The following CCSER1 variants were observed in gnomAD, a reference collection of about 807,000 sequenced individuals.
The protein encoded by CCSER1 is coiled-coil serine rich protein 1, also known as serine-rich coiled-coil domain-containing protein 1.
A neutral mutation model predicts 82.0 loss-of-function variants in CCSER1; 41 were observed. That is an observed-to-expected ratio of 0.50 (90% CI 0.39 to 0.65). The LOEUF is 0.65. Ranked by LOEUF, CCSER1 falls within the 30% of genes least tolerant of loss-of-function variation. The pLI, the probability that CCSER1 is intolerant of heterozygous loss-of-function variation, is 0.00. For missense variants in CCSER1, 1,119 were observed against 1,064.2 expected (o/e 1.05, Z -0.72); for synonymous variants, 414 against 383.9 (o/e 1.08, Z -0.92).
At chr4:90,989,964 C>A (rs1736887247) in intron 9 of CCSER1, among the ~76,000 whole-genome samples, 1 of 151,888 alleles carries the variant, frequency 6.6e-6, no homozygotes, top group South Asian at 2.1e-4. Flanking sequence ...TTCTTCTGGG[C>A]TCTTAGTGAC....
At chr4:91,317,159 T>C (rs1261820660) in intron 10 of CCSER1, among the ~76,000 whole-genome samples, 1 of 151,980 alleles carries the variant, frequency 6.6e-6, no homozygotes, top group Non-Finnish European at 1.5e-5. Context: ...TAAATACATA[T>C]AATTATTATT....
chr4:90,364,720 A>G (rs1745965525), intron 3 of CCSER1, among the ~76,000 whole-genome samples: 1 of 151,990 alleles, frequency 6.6e-6, no homozygotes, highest in Non-Finnish European at 1.5e-5. Flanking sequence ...GCTGTAAAGA[A>G]GACAGTTAGT....
chr4:90,599,768 T>C (rs1348863595), intron 5 of CCSER1, among the ~76,000 whole-genome samples: 1 of 152,198 alleles, frequency 6.6e-6, no homozygotes, highest in African/African-American at 2.4e-5. Context: ...TTCATTAGTT[T>C]GGTTCCTGAT....
At chr4:91,343,344 CTT>C (rs1747844944) in intron 10 of CCSER1, among the ~76,000 whole-genome samples, 1 of 152,068 alleles carries the variant, frequency 6.6e-6, no homozygotes. Flanking sequence ...TGCTTGACAG[CTT>C]TTTCTGCTTT....
intron 10 of CCSER1, among the ~76,000 whole-genome samples, chr4:91,487,156 A>G (rs1265373566): frequency 6.6e-6 from 1 of 152,122 alleles, no homozygotes; most frequent in East Asian, 1.9e-4. Flanking sequence ...AGTCATAGAA[A>G]AAGTAGGATT....
intron 10 of CCSER1, among the ~76,000 whole-genome samples, chr4:91,269,395 G>A (rs1178438638): frequency 6.6e-6 from 1 of 151,752 alleles, no homozygotes; most frequent in African/African-American, 2.4e-5. Context: ...TTCCTGAACT[G>A]TTAACCCAGG....
intron 10 of CCSER1, among the ~76,000 whole-genome samples, chr4:91,108,383 G>T (rs1255536732): frequency 1.3e-5 from 2 of 152,140 alleles, no homozygotes; most frequent in East Asian, 3.9e-4. Context: ...AAATGGTTGA[G>T]AGAAAATATA....
intron 10 of CCSER1, among the ~76,000 whole-genome samples, chr4:91,278,584 G>A (rs959433493): frequency 6.6e-6 from 1 of 152,028 alleles, no homozygotes; most frequent in Admixed American, 6.6e-5. Context: ...GTTTCTTACA[G>A]GCATTGTATA....
intron 9 of CCSER1, among the ~76,000 whole-genome samples, chr4:91,077,645 G>A (rs946504991): frequency 6.6e-6 from 1 of 152,184 alleles, no homozygotes; most frequent in Admixed American, 6.5e-5. Flanking sequence ...GCAGGGTGGG[G>A]CATCACCTCA....
In CCSER1 at chr4:90,309,137, G is replaced by A. The variant is rs1219758849; in HGVS notation, c.853G>A (p.Asp285Asn). 1.9e-6 allele frequency: 3 copies of A among 1,613,894 alleles called. No individual in the cohort carries two copies. Among genetic ancestry groups the A allele is most frequent in the South Asian group, 1.1e-5 (1 of 91,074 alleles). Residue 285 changes from aspartate (D) to asparagine (N), a missense_variant, in exon 2 of 11, where the codon GAC (aspartate) becomes AAC (asparagine). Coordinates refer to ENST00000509176, the MANE Select transcript of CCSER1 (RefSeq NM_001145065.2). ...AAGTGGAAGCATGGCATCCCACTGT[G>A]ACAACTTTGGCCACAATGATTCTAC... ...SKSGSMASHCDNFGHNDSTSQ... is the reference protein window; with the variant it reads ...SKSGSMASHCNNFGHNDSTSQ...
intron 5 of CCSER1, among the ~76,000 whole-genome samples, chr4:90,601,658 C>G (rs1270727051): frequency 6.8e-6 from 1 of 147,812 alleles, no homozygotes; most frequent in African/African-American, 2.5e-5. Flanking sequence ...TTTTTTGAGA[C>G]CTTATTTTTT....
At chr4:91,345,546 A>AG (rs113750916) in intron 10 of CCSER1, among the ~76,000 whole-genome samples, 13,168 of 152,144 alleles carry the variant, frequency 0.087, 1,905 homozygotes, top group African/African-American at 0.3. Flanking sequence ...GTGTAGTTAT[A>AG]ATTTATTTCT....
At chr4:90,874,278 G>A (rs1429256799) in intron 8 of CCSER1, among the ~76,000 whole-genome samples, 9 of 151,968 alleles carry the variant, frequency 5.9e-5, no homozygotes, top group Non-Finnish European at 1.0e-4. Flanking sequence ...ATCAACAAAC[G>A]CAAATCATTC....
chr4:90,298,026 A>T (rs1443332698), intron 1 of CCSER1, among the ~76,000 whole-genome samples: 3 of 152,062 alleles, frequency 2.0e-5, no homozygotes, highest in Non-Finnish European at 2.9e-5. Context: ...GTTAGGGAGG[A>T]TCCCCTCTTT....
chr4:91,095,319 C>T (rs1724396015), intron 10 of CCSER1, among the ~76,000 whole-genome samples: 1 of 152,150 alleles, frequency 6.6e-6, no homozygotes, highest in South Asian at 2.1e-4. Flanking sequence ...ACAGTAGGCA[C>T]ACTGGTTACA....
intron 7 of CCSER1, among the ~76,000 whole-genome samples, chr4:90,732,081 G>T (rs1433710991): frequency 1.7e-5 from 2 of 121,126 alleles, no homozygotes; most frequent in Non-Finnish European, 3.4e-5. Context: ...TTCTACTTCT[G>T]CCTCCCTCTT....
intron 9 of CCSER1, among the ~76,000 whole-genome samples, chr4:91,032,395 G>A (rs1741059220): frequency 6.6e-6 from 1 of 152,064 alleles, no homozygotes; most frequent in South Asian, 2.1e-4. Flanking sequence ...GGAAAACTAA[G>A]TGAAAACTAC....
chr4:90,933,488 A>C (rs1437992878), intron 9 of CCSER1, among the ~76,000 whole-genome samples: 1 of 151,058 alleles, frequency 6.6e-6, no homozygotes, highest in Non-Finnish European at 1.5e-5. Context: ...TGCCAGGATG[A>C]AGTGTTTTTT....
chr4:91,006,993 T>C (rs1355691112), intron 9 of CCSER1, among the ~76,000 whole-genome samples: 1 of 152,160 alleles, frequency 6.6e-6, no homozygotes, highest in Non-Finnish European at 1.5e-5. Flanking sequence ...TGAGAAAACA[T>C]AGAATTTTCT....
Sources: allele counts gnomAD v4.1 joint callset (sites outside exome capture counted in the v4.1 genomes callset), GRCh38; gene constraint gnomAD v4.1.1; transcripts MANE v1.5; gene names NCBI Gene and HGNC (gene_info 2026-07-23, HGNC 2026-07-21).